MAU2: variants seen among roughly 807,000 people sequenced by gnomAD.
MAU2 encodes the protein MAU2 sister chromatid cohesion factor.
A neutral mutation model predicts 89.1 loss-of-function variants in MAU2; 9 were observed. That is an observed-to-expected ratio of 0.10 (90% confidence interval 0.06 to 0.18). MAU2 has a LOEUF of 0.18. Among genes scored for constraint, MAU2 ranks in the 10% least tolerant of loss-of-function variants. The probability of loss-of-function intolerance (pLI) is 1.00; values close to 1 mark genes in which losing one functional copy is unlikely to be tolerated. For missense variants in MAU2, 425 were observed against 803.5 expected, an observed-to-expected ratio of 0.53 and a Z score of 5.69; for synonymous variants, 357 against 343.4, an observed-to-expected ratio of 1.04 and a Z score of -0.44.
chr19:19,324,131 G>T (rs144747707), intron 1 of MAU2, among the ~76,000 whole-genome samples: 12 of 152,312 alleles, frequency 7.9e-5, no homozygotes, highest in African/African-American at 2.9e-4. Context: ...ATAGTAAGAG[G>T]TTAGGCAGTG....
At chr19:19,344,529 C>T (rs2061678650) in intron 10 of MAU2, 3 of 435,346 alleles carry the variant, frequency 6.9e-6, no homozygotes, top group Admixed American at 3.6e-5. Context: ...TTATACCCCA[C>T]CCTGCCATTA....
intron 1 of MAU2, among the ~76,000 whole-genome samples, chr19:19,326,896 C>T (rs2061513506): frequency 6.7e-6 from 1 of 150,062 alleles, no homozygotes; most frequent in African/African-American, 2.4e-5. Flanking sequence ...TGTCTCAAAA[C>T]TTTAAAAAAA....
chr19:19,328,523 G>A (rs529531949), intron 1 of MAU2, among the ~76,000 whole-genome samples: 2 of 151,698 alleles, frequency 1.3e-5, no homozygotes, highest in East Asian at 3.9e-4. Context: ...CCGGGTTCAT[G>A]CCATTCTCCT....
At chr19:19,328,418 C>T (rs2061528842) in intron 1 of MAU2, among the ~76,000 whole-genome samples, 1 of 151,124 alleles carries the variant, frequency 6.6e-6, no homozygotes, top group South Asian at 2.1e-4. Flanking sequence ...CCGTTTCCCC[C>T]TTAACTTTTT....
rs1362873030 is a variant in MAU2 at position 19,323,581 on chromosome 19, A to G, written c.276+2446A>G. Among the ~76,000 whole-genome samples, 3 of 152,190 alleles carry G rather than the reference A, an allele frequency of 2.0e-5. No individual in the cohort carries two copies. In the East Asian group the frequency reaches 5.8e-4, roughly 29 times the overall value. On this transcript the variant is annotated intron_variant, in intron 1 of 18. Coordinates refer to ENST00000262815, the MANE Select transcript of MAU2 (RefSeq NM_015329.4). ...GGGTGCACTGGCGTGATCTCAGCTC[A>G]CTGCAGCCTTGACCTCCTGGGCTCA...
At position 19,355,911 on chromosome 19, in the gene MAU2, G is replaced by C; in HGVS notation, c.*129G>C. On this transcript the variant is annotated 3_prime_UTR_variant, in exon 19 of 19. Transcript: ENST00000262815. ...TCTAGAGCTTCCAAGTCCTGGGAAT[G>C]TGCGGGGCCAGTCCCTGCCCTCCCA... 1.1e-6 allele frequency: 1 copy of C among 926,264 alleles called. No homozygotes were observed. The highest frequency in any genetic ancestry group is 1.7e-6 in the Non-Finnish European group (1 of 580,140). The allele number at this position is 926,264 out of a possible 1,614,324, so 57.4% of individuals were successfully genotyped here.
intron 10 of MAU2, chr19:19,344,476 CA>C: frequency 3.1e-6 from 1 of 321,456 alleles, no homozygotes; most frequent in Non-Finnish European, 5.9e-6. Context: ...GGGGATAGCG[CA>C]CATGGTCTCT....
chr19:19,343,734 A>T (rs2061671486), intron 9 of MAU2, 103 bp from the exon 10 acceptor site: 1 of 807,220 alleles, frequency 1.2e-6, no homozygotes, highest in Non-Finnish European at 2.1e-6. Flanking sequence ...GTGGGTGCCT[A>T]GCCAGTGTGG....
intron 5 of MAU2, among the ~76,000 whole-genome samples, chr19:19,340,483 C>A (rs2061634844): frequency 6.7e-6 from 1 of 148,458 alleles, no homozygotes; most frequent in African/African-American, 2.5e-5. Flanking sequence ...ACTAAAAATA[C>A]AAAAAATTAG....
At chr19:19,321,873 A>G (rs1599882470) in intron 1 of MAU2, 1 of 152,118 alleles carries the variant, frequency 6.6e-6, no homozygotes, top group East Asian at 1.9e-4. Context: ...GGTGACTTCT[A>G]CCATCCATCA....
In MAU2 at chr19:19,338,904, C is replaced by T. The variant is rs762947033; in HGVS notation, c.516C>T (p.Ala172=). The change falls in exon 5 of 19, where the codon GCC becomes GCT. Residue 172 remains alanine (A), a synonymous_variant. Coordinates refer to ENST00000262815, the MANE Select transcript of MAU2 (RefSeq NM_015329.4). Reference sequence around the variant, plus strand: ...CCTGTGACCTCCTGGGTGTAGGGGCCGAGTACGCCCGGGTGGTGGGATCTG... The same window carrying T: ...CCTGTGACCTCCTGGGTGTAGGGGCTGAGTACGCCCGGGTGGTGGGATCTG... ...VSACDLLGVG[A]EYARVVGSEY... is the part of the protein sequence containing the mutation. The T allele has an allele frequency of 6.2e-6, 10 of 1,613,690 alleles. No individual in the cohort carries two copies. Among genetic ancestry groups the T allele is most frequent in the South Asian group, 1.1e-5 (1 of 90,966 alleles).
chr19:19,352,710 G>A (rs986254167), intron 16 of MAU2: 11 of 152,296 alleles, frequency 7.2e-5, no homozygotes, highest in African/African-American at 2.7e-4. Flanking sequence ...AGCAGGGCAA[G>A]GAGGGTTGAG....
At chr19:19,343,977 A>G (rs1203418261) in intron 10 of MAU2, 37 bp downstream of exon 10, 4 of 1,545,452 alleles carry the variant, frequency 2.6e-6, no homozygotes, top group South Asian at 2.2e-5. Context: ...AAGGCCCAGG[A>G]GTTTGTTGGG....
At chr19:19,322,675 T>C (rs2061471063) in intron 1 of MAU2, among the ~76,000 whole-genome samples, 1 of 151,710 alleles carries the variant, frequency 6.6e-6, no homozygotes, top group African/African-American at 2.4e-5. Context: ...AGCGCTGTGA[T>C]CCTGTCAGAC....
rs534735055 is a variant in MAU2, at chr19:19,347,583, C to T, written c.1308+217C>T. ...GTCTGGGACAAAAACATTCCCATAG[C>T]CACAGAACACTTCTCTTTATCACAA... On this transcript the variant is annotated intron_variant, in intron 13 of 18. Coordinates refer to ENST00000262815, the MANE Select transcript of MAU2 (RefSeq NM_015329.4). 52 of 535,462 alleles carry T rather than the reference C, an allele frequency of 9.7e-5. No individual in the cohort carries two copies. In the East Asian group the frequency reaches 1.6e-3, roughly 17 times the overall value. 33.2% of individuals were successfully genotyped at this position (535,462 alleles called of 1,614,324 possible). A position where few individuals can be genotyped will look rare whatever the true frequency, so the allele number is the denominator to read the frequency against.
At chr19:19,329,313 T>C (rs751771744) in intron 1 of MAU2, among the ~76,000 whole-genome samples, 2 of 152,170 alleles carry the variant, frequency 1.3e-5, no homozygotes, top group Non-Finnish European at 2.9e-5. Flanking sequence ...TTTCCTTCCC[T>C]CTCACTCTTG....
intron 16 of MAU2, chr19:19,352,587 G>A (rs1303107801): frequency 6.6e-6 from 1 of 152,276 alleles, no homozygotes; most frequent in Admixed American, 6.5e-5. Context: ...AAGTGGCCTG[G>A]GGGTGTGTCA....
chr19:19,345,217 C>A lies in MAU2; in HGVS notation c.1156-87C>A. 8.4e-7 allele frequency: 1 copy of A among 1,189,090 alleles called. No homozygotes were observed. Among genetic ancestry groups the A allele is most frequent in the Non-Finnish European group, 1.3e-6 (1 of 799,280 alleles). The allele number at this position is 1,189,090 out of a possible 1,614,324, so 73.7% of individuals were successfully genotyped here. Reference sequence around the variant, plus strand: ...CCATTGTCATACTCCTCCAGGGCAGCCGTGCAGGCCCCGGGCACACCACGT... The same window carrying A: ...CCATTGTCATACTCCTCCAGGGCAGACGTGCAGGCCCCGGGCACACCACGT... On this transcript the variant is annotated intron_variant, in intron 11 of 18. Coordinates refer to ENST00000262815, the MANE Select transcript of MAU2 (RefSeq NM_015329.4). This position sits in a 1 kb window ranked among gnomAD's most constrained non-coding sequence, Gnocchi z 4.9.
intron 4 of MAU2, 106 bp downstream of exon 4, chr19:19,337,371 C>T (rs1482413141): frequency 2.4e-6 from 2 of 849,898 alleles, no homozygotes; most frequent in Non-Finnish European, 3.9e-6. Flanking sequence ...CGCAGACCCC[C>T]TCGGGCTGGC....
Sources: allele counts gnomAD v4.1 joint callset (sites outside exome capture counted in the v4.1 genomes callset), GRCh38; gene constraint gnomAD v4.1.1; non-coding constraint Gnocchi (gnomAD v3.1); transcripts MANE v1.5; gene names NCBI Gene and HGNC (gene_info 2026-07-23, HGNC 2026-07-21).